Variants in VWF observed in about 807,000 individuals in gnomAD.
VWF encodes the protein Factor VIII related antigen.
VWF carries 176 observed loss-of-function variants against 308.6 expected under a neutral mutation model. The observed-to-expected ratio is 0.57, with a 90% CI of 0.50 to 0.65. VWF has a LOEUF of 0.65. Among genes scored for constraint, VWF ranks in the 30% least tolerant of loss-of-function variants. VWF has a pLI of 0.00. For synonymous variants in VWF, 1,385 were observed against 1,443.4 expected, an observed-to-expected ratio of 0.96 and a Z score of 0.92; for missense variants, 3,146 against 3,648.2, an observed-to-expected ratio of 0.86 and a Z score of 3.55.
chr12:5,956,349 T>C (rs1381481884), intron 47 of VWF, among the ~76,000 whole-genome samples: 1 of 152,230 alleles, frequency 6.6e-6, no homozygotes, highest in Non-Finnish European at 1.5e-5. Context: ...GGCATTGTTA[T>C]CACAGAAGAC....
intron 24 of VWF, among the ~76,000 whole-genome samples, chr12:6,025,079 G>A (rs538030510): frequency 6.6e-6 from 1 of 151,006 alleles, no homozygotes; most frequent in South Asian, 2.1e-4. Flanking sequence ...ATTCCTCCTT[G>A]TCATTAGAGA....
chr12:5,977,587 A>T (rs1197598730), intron 42 of VWF, among the ~76,000 whole-genome samples: 5 of 152,148 alleles, frequency 3.3e-5, no homozygotes. Flanking sequence ...AAAATTATAA[A>T]GGCTGGGCAC....
intron 16 of VWF, among the ~76,000 whole-genome samples, chr12:6,047,135 C>T (rs1490056503): frequency 1.3e-5 from 2 of 152,336 alleles, no homozygotes; most frequent in East Asian, 3.9e-4. Flanking sequence ...TCAGCCTCAG[C>T]TTTCATGTGC....
chr12:5,976,273 G>C lies in VWF; in HGVS notation c.7288-13C>G. The C allele has an allele frequency of 6.2e-7, 1 of 1,614,136 alleles. No individual in the cohort carries two copies. Among genetic ancestry groups the C allele is most frequent in the Non-Finnish European group, 8.5e-7 (1 of 1,180,026 alleles). ...GGTGGACACACACCTGTAGACATAA[G>C]TTTTCGTGAGTGAACTCATTTGTTT... is the stretch of plus-strand genomic sequence containing the variant. On this transcript the variant is annotated splice_polypyrimidine_tract_variant and intron_variant, in intron 42 of 51. Transcript: ENST00000261405.
chr12:5,978,774 T>C (rs1195580313), intron 42 of VWF, among the ~76,000 whole-genome samples: 1 of 152,226 alleles, frequency 6.6e-6, no homozygotes, highest in Non-Finnish European at 1.5e-5. Context: ...CTGAAGGCAA[T>C]GGCAACCCAG....
At position 6,034,069 on chromosome 12, in the gene VWF, T is replaced by C. The variant is rs141760446; in HGVS notation, c.2685+619A>G. Among the ~76,000 whole-genome samples the C allele has an allele frequency of 7.1e-3, 1,086 of 152,314 alleles. 10 individuals carry two copies. The highest frequency in any genetic ancestry group is 0.011 in the Non-Finnish European group (734 of 68,024). Reference sequence around the variant, plus strand: ...CTGCTGCCCACACTCACCGTGAGGATTCCTGGATCGCTCTCATCTGCTGGG... The same window carrying C: ...CTGCTGCCCACACTCACCGTGAGGACTCCTGGATCGCTCTCATCTGCTGGG... On this transcript the variant is annotated intron_variant, in intron 20 of 51. Coordinates refer to ENST00000261405, the MANE Select transcript of VWF (RefSeq NM_000552.5).
At position 5,956,745 on chromosome 12, in the gene VWF, GTGTT is replaced by G. The variant is rs1158774604; in HGVS notation, c.7888-3155_7888-3152del. ...AAATATTTTTGTACAGCTGTACAATGTGTTTGTGTTTTAAGCTAAGTGTTATTAC... is the reference window on the plus strand; with the variant it reads ...AAATATTTTTGTACAGCTGTACAATGTGTGTTTTAAGCTAAGTGTTATTAC... On this transcript the variant is annotated intron_variant, in intron 47 of 51. Coordinates refer to ENST00000261405, the MANE Select transcript of VWF (RefSeq NM_000552.5). 4.6e-5 allele frequency among the ~76,000 whole-genome samples: 7 copies of G among 152,210 alleles called. No homozygotes were observed. In the East Asian group the frequency reaches 1.4e-3, roughly 29 times the overall value.
rs1729814683 is a variant in VWF at position 6,052,500 on chromosome 12, C to G, written c.2186+43G>C. 6 of 1,614,016 alleles carry G rather than the reference C, an allele frequency of 3.7e-6. No individual in the cohort carries two copies. In the East Asian group the frequency reaches 1.3e-4, roughly 36 times the overall value. ...TTGGGGGTCCCGTTTTCCTCCCCAG[C>G]TCTGCTGTTTTAGAGGTCCCTGACA... On this transcript the variant is annotated intron_variant, in intron 16 of 51. Transcript: ENST00000261405.
intron 7 of VWF, 139 bp from the exon 8 acceptor site, chr12:6,073,880 C>T: frequency 7.5e-7 from 1 of 1,335,532 alleles, no homozygotes; most frequent in Non-Finnish European, 1.0e-6. Context: ...CCTTCTCACC[C>T]CCAGTGAGCC....
chr12:6,117,218 A>G lies in VWF; in HGVS notation c.220+3956T>C, dbSNP rs552787912. Among the ~76,000 whole-genome samples, 6 of 152,370 alleles carry G rather than the reference A, an allele frequency of 3.9e-5. No homozygotes were observed. The South Asian group carries it at 1.0e-3, about 26-fold the overall frequency. On this transcript the variant is annotated intron_variant, in intron 3 of 51. Coordinates refer to ENST00000261405, the MANE Select transcript of VWF (RefSeq NM_000552.5). ...GACACTTCACAAGGGCAAACAGCTTATAAGAAAAGAATAATGACCTGGTGG... is the reference window on the plus strand; with the variant it reads ...GACACTTCACAAGGGCAAACAGCTTGTAAGAAAAGAATAATGACCTGGTGG...
intron 22 of VWF, among the ~76,000 whole-genome samples, chr12:6,027,899 C>T (rs1299439733): frequency 1.3e-5 from 2 of 149,292 alleles, no homozygotes; most frequent in Non-Finnish European, 3.0e-5. Flanking sequence ...AACAAAAAAA[C>T]TTTTTTCCCC....
At position 6,018,373 on chromosome 12, in the gene VWF, G is replaced by A; in HGVS notation, c.5045C>T (p.Pro1682Leu). The A allele has an allele frequency of 1.2e-6, 2 of 1,610,846 alleles. No homozygotes were observed. Among genetic ancestry groups the A allele is most frequent in the African/African-American group, 1.3e-5 (1 of 74,962 alleles). The change falls in exon 28 of 52, where the codon CCT (proline) becomes CTT (leucine). Residue 1682 changes from proline (P) to leucine (L), a missense_variant. By Grantham distance (98) the Pro-to-Leu change is moderately conservative (BLOSUM62 -3). This residue lies in a region of VWF where 853 missense variants were observed against 1,177.8 expected (regional missense o/e 0.72). Transcript: ENST00000261405. ...GEGLQIPTLS[P>L]APDCSQPLDV... ...ACAAGGTGCCAGCATACCAGGTGCA[G>A]GGGAGAGGGTGGGGATCTGCAGCCC... is the stretch of plus-strand genomic sequence containing the variant.
At chr12:5,975,132 C>G (rs559830911) in intron 43 of VWF, among the ~76,000 whole-genome samples, 1 of 152,176 alleles carries the variant, frequency 6.6e-6, no homozygotes, top group Admixed American at 6.5e-5. Flanking sequence ...TGAGCACCTC[C>G]GCTCACTCTC....
In VWF at chr12:6,016,164, T is replaced by C. The variant is rs267607355; in HGVS notation, c.5380A>G (p.Lys1794Glu). The C allele has an allele frequency of 1.2e-6, 2 of 1,614,138 alleles. No homozygotes were observed. The highest frequency in any genetic ancestry group is 8.5e-7 in the Non-Finnish European group (1 of 1,180,028). Residue 1794 changes from lysine (K) to glutamate (E), a missense_variant, in exon 31 of 52, where the codon AAG (lysine) becomes GAG (glutamate). By Grantham distance (56) the Lys-to-Glu change is moderately conservative. Transcript: ENST00000261405. ...TCCGTGACCAGGATGACCACCGCCT[T>C]TGAGGCTCCCGGCCTGGCACCATGC... ...EMHGARPGAS[K>E]AVVILVTDVS...
At chr12:5,976,062 C>T in intron 43 of VWF, 49 bp downstream of exon 43, 2 of 1,612,118 alleles carry the variant, frequency 1.2e-6, no homozygotes, top group East Asian at 2.2e-5. Context: ...CCCTCCTCTA[C>T]TTTCCCGCTC....
intron 34 of VWF, among the ~76,000 whole-genome samples, chr12:5,996,912 T>C (rs975407537): frequency 3.9e-5 from 6 of 152,194 alleles, no homozygotes; most frequent in Admixed American, 6.5e-5. Context: ...AATCCTCACA[T>C]TGAAGGCACC....
At chr12:6,014,857 C>A (rs1944038948) in intron 31 of VWF, among the ~76,000 whole-genome samples, 2 of 152,174 alleles carry the variant, frequency 1.3e-5, no homozygotes, top group African/African-American at 4.8e-5. Context: ...ACATGAGAAA[C>A]CGAGGCTTTG....
Position 5,953,610 on chromosome 12 carries a change from G to GA in VWF, c.7888-17dup, listed in dbSNP as rs761711974. The GA allele has an allele frequency of 3.7e-6, 6 of 1,608,492 alleles. No individual in the cohort carries two copies. The highest frequency in any genetic ancestry group is 1.7e-5 in the Admixed American group (1 of 60,022). On this transcript the variant is annotated splice_polypyrimidine_tract_variant and intron_variant, in intron 47 of 51. Transcript: ENST00000261405. ...CCTTGTAACCCTGCATCCAGAGGGGGAAAAAGCAGCCATAGTTAACCTCCT... is the reference window on the plus strand; with the variant it reads ...CCTTGTAACCCTGCATCCAGAGGGGGAAAAAAGCAGCCATAGTTAACCTCCT...
At chr12:6,105,716 C>G (rs1945235522) in intron 5 of VWF, among the ~76,000 whole-genome samples, 1 of 151,950 alleles carries the variant, frequency 6.6e-6, no homozygotes, top group African/African-American at 2.4e-5. Context: ...TAGAAATCAT[C>G]CAGGAATTCT....
Sources: allele counts gnomAD v4.1 joint callset (sites outside exome capture counted in the v4.1 genomes callset), GRCh38; gene constraint gnomAD v4.1.1; regional missense constraint gnomAD v4.1.1; transcripts MANE v1.5; gene names NCBI Gene and HGNC (gene_info 2026-07-23, HGNC 2026-07-21).